The following SERPINE2 variants were observed in gnomAD, a reference collection of about 807,000 sequenced individuals.
The protein encoded by SERPINE2 is serpin family E member 2, also known as glia-derived nexin.
In SERPINE2, 14 loss-of-function variants were observed where a neutral mutation model predicts 36.3. The observed-to-expected ratio is 0.39, with a 90% CI of 0.25 to 0.60. The LOEUF (loss-of-function observed/expected upper bound fraction) is 0.60, where lower values mean the gene tolerates loss of function less well. SERPINE2 is among the 20% of genes least tolerant of loss of function. SERPINE2 has a pLI of 0.57. For synonymous variants in SERPINE2, 192 were observed against 191.8 expected (o/e 1.00, Z -0.01); for missense variants, 418 against 499.6 (o/e 0.84, Z 1.56).
intron 1 of SERPINE2, chr2:224,030,315 C>T (rs1437627152): frequency 7.9e-6 from 6 of 757,246 alleles, no homozygotes; most frequent in Non-Finnish European, 9.6e-6. Flanking sequence ...GAGCAAGTCA[C>T]TCATTCATCA....
chr2:224,009,834 C>T (rs899495026), intron 1 of SERPINE2, among the ~76,000 whole-genome samples: 10 of 152,184 alleles, frequency 6.6e-5, no homozygotes, highest in African/African-American at 1.9e-4. Context: ...CAACACTCAA[C>T]GGTGTTTGGC....
At chr2:223,995,290 C>A (rs537114586) in intron 3 of SERPINE2, among the ~76,000 whole-genome samples, 1 of 152,342 alleles carries the variant, frequency 6.6e-6, no homozygotes, top group South Asian at 2.1e-4. Context: ...ACCCAGCAAC[C>A]TTCCAGACAC....
At chr2:223,988,111 G>A (rs1241678041) in intron 4 of SERPINE2, among the ~76,000 whole-genome samples, 1 of 152,178 alleles carries the variant, frequency 6.6e-6, no homozygotes, top group East Asian at 1.9e-4. Flanking sequence ...AACTGGGTGA[G>A]TATTGGTGCC....
intron 4 of SERPINE2, among the ~76,000 whole-genome samples, chr2:223,988,071 A>T (rs997237334): frequency 7.9e-5 from 12 of 152,206 alleles, no homozygotes; most frequent in Non-Finnish European, 1.5e-4. Context: ...GTTCGGGGAC[A>T]GTAGCTGGGG....
chr2:223,978,600 G>C (rs1310913947), intron 7 of SERPINE2: 1 of 152,216 alleles, frequency 6.6e-6, no homozygotes, highest in Admixed American at 6.5e-5. Flanking sequence ...CTGAACCAGG[G>C]CCTCACGGGA....
rs562486503 is a variant in SERPINE2 at position 223,977,213 on chromosome 2, T to C, written c.1156+331A>G. Among the ~76,000 whole-genome samples the C allele has an allele frequency of 2.6e-5, 4 of 152,290 alleles. No individual in the cohort carries two copies. In the South Asian group the frequency reaches 8.3e-4, roughly 32 times the overall value. On this transcript the variant is annotated intron_variant, in intron 8 of 8. Transcript: ENST00000409304. ...TACACAAAAGTTGAAGTTATATAGC[T>C]TCTAGCAAAATTGAACCACCACATT...
chr2:224,007,174 G>T (rs1274852132), intron 1 of SERPINE2, among the ~76,000 whole-genome samples: 1 of 152,196 alleles, frequency 6.6e-6, no homozygotes, highest in Non-Finnish European at 1.5e-5. Flanking sequence ...AGCATAATAA[G>T]TAAGTTGTAG....
rs1692418029 is a variant in SERPINE2, at chr2:224,032,647, G to A, written c.-23+6452C>T. 2.0e-5 allele frequency among the ~76,000 whole-genome samples: 3 copies of A among 152,312 alleles called. No homozygotes were observed. In the South Asian group the frequency reaches 6.2e-4, roughly 32 times the overall value. ...AAGAATTAAATAAGAAAAATGGAAAGGCACAATGGATGTAAATTCCAATTC... is the reference window on the plus strand; with the variant it reads ...AAGAATTAAATAAGAAAAATGGAAAAGCACAATGGATGTAAATTCCAATTC... On this transcript the variant is annotated intron_variant, in intron 1 of 8. Transcript: ENST00000409304.
intron 4 of SERPINE2, 44 bp downstream of exon 4, chr2:223,991,759 C>T (rs752448788): frequency 1.9e-6 from 3 of 1,598,128 alleles, no homozygotes; most frequent in African/African-American, 2.7e-5. Context: ...GGCCTTTCTG[C>T]CGCCAGCACA....
At chr2:224,031,463 C>A in intron 1 of SERPINE2, 1 of 985,632 alleles carries the variant, frequency 1.0e-6, no homozygotes, top group Non-Finnish European at 1.2e-6. Flanking sequence ...ACTCCCTTTC[C>A]TCCTAACCAA....
intron 4 of SERPINE2, among the ~76,000 whole-genome samples, chr2:223,988,632 A>C (rs1392722328): frequency 1.3e-5 from 2 of 152,260 alleles, no homozygotes; most frequent in Non-Finnish European, 2.9e-5. Context: ...TCAAATGTCT[A>C]AATTCATAAC....
At chr2:224,013,504 C>T (rs1397415014) in intron 1 of SERPINE2, among the ~76,000 whole-genome samples, 2 of 152,142 alleles carry the variant, frequency 1.3e-5, no homozygotes, top group Non-Finnish European at 2.9e-5. Flanking sequence ...GTTTGGGCTC[C>T]GTTTTGCTTA....
chr2:223,977,422 G>T, intron 8 of SERPINE2, 122 bp downstream of exon 8: 2 of 703,666 alleles, frequency 2.8e-6, no homozygotes, highest in Non-Finnish European at 5.2e-6. Flanking sequence ...TATTCAAAGT[G>T]TCTGCAACTA....
chr2:224,036,374 A>G (rs13405717), intron 1 of SERPINE2, among the ~76,000 whole-genome samples: 90,945 of 148,652 alleles, frequency 0.61, 28,393 homozygotes, highest in South Asian at 0.71. Context: ...GAATAGAAGA[A>G]CCTCATCAAA....
chr2:223,982,591 T>C lies in SERPINE2; in HGVS notation c.985+90A>G, dbSNP rs1690261774. ...CTTGTACAGTTTCAGGGCAACACAT[T>C]CCTAATTCTGATCCTTTTTCTCTGC... On this transcript the variant is annotated intron_variant, in intron 6 of 8. Transcript: ENST00000409304. 3 of 758,734 alleles carry C rather than the reference T, an allele frequency of 4.0e-6. No individual in the cohort carries two copies. In the South Asian group the frequency reaches 5.7e-5, roughly 14 times the overall value. 47.0% of individuals were successfully genotyped at this position (758,734 alleles called of 1,614,324 possible). A position where few individuals can be genotyped will look rare whatever the true frequency, so the allele number is the denominator to read the frequency against.
intron 1 of SERPINE2, among the ~76,000 whole-genome samples, chr2:224,011,165 T>C (rs916099029): frequency 2.0e-5 from 3 of 152,218 alleles, no homozygotes; most frequent in Admixed American, 6.5e-5. Context: ...CTTTTCTTTT[T>C]GATATGTCTT....
chr2:223,991,099 A>G (rs754934028), intron 4 of SERPINE2, among the ~76,000 whole-genome samples: 2 of 152,236 alleles, frequency 1.3e-5, no homozygotes, highest in Non-Finnish European at 2.9e-5. Context: ...AATTTTACAT[A>G]AGCGAGATTG....
chr2:224,034,635 C>T (rs534950098), intron 1 of SERPINE2, among the ~76,000 whole-genome samples: 7 of 152,208 alleles, frequency 4.6e-5, no homozygotes, highest in African/African-American at 1.4e-4. Context: ...TCTAAATGAC[C>T]TCAGGAACAC....
intron 1 of SERPINE2, among the ~76,000 whole-genome samples, chr2:224,033,431 CTT>C (rs1260847863): frequency 1.3e-5 from 2 of 152,064 alleles, no homozygotes; most frequent in Non-Finnish European, 2.9e-5. Context: ...TTTATCTAGA[CTT>C]AACACTTATG....
Sources: gnomAD v4.1 joint callset for allele counts (sites outside exome capture counted in the v4.1 genomes callset) on GRCh38, gnomAD v4.1.1 for gene constraint, MANE v1.5 for transcripts, NCBI Gene and HGNC (gene_info 2026-07-23, HGNC 2026-07-21) for gene names.